Variants in ZCCHC2 observed in about 807,000 individuals in gnomAD.
The protein encoded by ZCCHC2 is zinc finger CCHC-type containing 2, also known as zinc finger CCHC domain-containing protein 2.
A neutral mutation model predicts 103.6 loss-of-function variants in ZCCHC2; 39 were observed. The observed-to-expected ratio is 0.38, with a 90% CI of 0.29 to 0.49. ZCCHC2 has a LOEUF of 0.49. Among genes scored for constraint, ZCCHC2 ranks in the 20% least tolerant of loss-of-function variants. The pLI is 0.96. For synonymous variants in ZCCHC2, 687 were observed against 608.9 expected (o/e 1.13, Z -1.89); for missense variants, 1,483 against 1,491.0 (o/e 0.99, Z 0.09).
downstream of ZCCHC2, among the ~76,000 whole-genome samples, chr18:62,579,335 A>G (rs139298632): frequency 2.1e-3 from 326 of 152,300 alleles, 6 homozygotes; most frequent in East Asian, 1.4e-3. Context: ...TTCATTGCTT[A>G]TCTTGGCTGT....
downstream of ZCCHC2, among the ~76,000 whole-genome samples, chr18:62,581,512 C>A (rs1227778698): frequency 1.4e-4 from 1 of 7,190 alleles, no homozygotes; most frequent in Non-Finnish European, 2.0e-4. Flanking sequence ...TGGACCCCTC[C>A]CGAGATGGTG....
At position 62,565,073 on chromosome 18, in the gene ZCCHC2, A is replaced by G. The variant is rs1317144720; in HGVS notation, c.1823A>G (p.His608Arg). 1 of 1,613,448 alleles carries G rather than the reference A, an allele frequency of 6.2e-7. No homozygotes were observed. Among genetic ancestry groups the G allele is most frequent in the Non-Finnish European group, 8.5e-7 (1 of 1,179,454 alleles). The change falls in exon 11 of 14, where the codon CAT (histidine) becomes CGT (arginine). Residue 608 changes from histidine (H) to arginine (R), a missense_variant. By Grantham distance (29) the His-to-Arg change is conservative (BLOSUM62 0). Coordinates refer to ENST00000269499, the MANE Select transcript of ZCCHC2 (RefSeq NM_017742.6). Reference protein sequence around the residue: ...INGIRLSTPQHAHGGTVKDVN... With the variant: ...INGIRLSTPQRAHGGTVKDVN... ...GGTATTAGACTCTCCACTCCTCAGC[A>G]TGCCCATGGTGGTACTGTGAAAGGT...
chr18:62,560,716 T>C, intron 8 of ZCCHC2, 72 bp downstream of exon 8: 2 of 1,225,520 alleles, frequency 1.6e-6, no homozygotes, highest in East Asian at 4.7e-5. Flanking sequence ...TAATTAAATT[T>C]CTGATGTATT....
At chr18:62,525,276 C>T (rs1041866571) in intron 1 of ZCCHC2, 4 of 152,120 alleles carry the variant, frequency 2.6e-5, no homozygotes, top group African/African-American at 7.2e-5. Flanking sequence ...TTTTTACAGC[C>T]ATGAAAGCAA....
chr18:62,539,646 G>A, intron 1 of ZCCHC2, 35 bp from the exon 2 acceptor site: 1 of 1,523,852 alleles, frequency 6.6e-7, no homozygotes, highest in Non-Finnish European at 8.9e-7. Context: ...TTAGTCCATG[G>A]TTTAAGTTAA....
intron 3 of ZCCHC2, among the ~76,000 whole-genome samples, chr18:62,542,795 G>C (rs973843784): frequency 1.3e-5 from 2 of 152,150 alleles, no homozygotes; most frequent in African/African-American, 4.8e-5. Flanking sequence ...AAAGAAGTAA[G>C]AGCCTTAGAT....
downstream of ZCCHC2, among the ~76,000 whole-genome samples, chr18:62,579,863 C>T (rs1042944178): frequency 2.0e-5 from 3 of 152,074 alleles, no homozygotes; most frequent in East Asian, 1.9e-4. Context: ...GCTGGGATTA[C>T]AGGCGTCTAC....
chr18:62,576,497 T>C lies in ZCCHC2; in HGVS notation c.3470-15T>C. On this transcript the variant is annotated splice_polypyrimidine_tract_variant and intron_variant, in intron 13 of 13. Coordinates refer to ENST00000269499, the MANE Select transcript of ZCCHC2 (RefSeq NM_017742.6). ...GCTTGTAAGCGGTGACTTAGTTCTG[T>C]CTTTCCCATTTTAGGCACTTACAGA... is the stretch of plus-strand genomic sequence containing the variant. 6.2e-7 allele frequency: 1 copy of C among 1,611,242 alleles called. No homozygotes were observed. The highest frequency in any genetic ancestry group is 8.5e-7 in the Non-Finnish European group (1 of 1,177,726).
At chr18:62,547,428 G>A (rs1260074895) in intron 4 of ZCCHC2, among the ~76,000 whole-genome samples, 2 of 151,672 alleles carry the variant, frequency 1.3e-5, no homozygotes, top group Admixed American at 6.6e-5. Flanking sequence ...TGTACTTCTA[G>A]CTTGCTGTAG....
chr18:62,529,946 G>C (rs188935505), intron 1 of ZCCHC2, among the ~76,000 whole-genome samples: 91 of 152,240 alleles, frequency 6.0e-4, no homozygotes, highest in African/African-American at 2.1e-3. Flanking sequence ...CAGTATAACA[G>C]CTATTTACAT....
At chr18:62,544,752 G>A (rs561025716) in intron 3 of ZCCHC2, 50 bp from the exon 4 acceptor site, 283 of 1,476,254 alleles carry the variant, frequency 1.9e-4, no homozygotes, top group Non-Finnish European at 1.2e-4. Context: ...TTTCTAGCCG[G>A]TTCCTGCCTA....
chr18:62,528,399 C>A (rs1322151338), intron 1 of ZCCHC2, among the ~76,000 whole-genome samples: 1 of 152,058 alleles, frequency 6.6e-6, no homozygotes, highest in African/African-American at 2.4e-5. Flanking sequence ...TCGAGACCAG[C>A]CTGGCCAGTA....
intron 3 of ZCCHC2, among the ~76,000 whole-genome samples, chr18:62,542,937 C>G: frequency 6.6e-6 from 1 of 152,244 alleles, no homozygotes; most frequent in Admixed American, 6.5e-5. Flanking sequence ...CTCTGTGACG[C>G]TTTTATTGCC....
intron 10 of ZCCHC2, 147 bp from the exon 11 acceptor site, chr18:62,564,855 C>G: frequency 1.4e-6 from 1 of 703,880 alleles, no homozygotes. Context: ...TCAGAACTTT[C>G]CACGGAAGGG....
At chr18:62,534,633 G>A (rs546420548) in intron 1 of ZCCHC2, among the ~76,000 whole-genome samples, 1 of 152,202 alleles carries the variant, frequency 6.6e-6, no homozygotes. Context: ...TATGTTTCTT[G>A]TTAGAAATGT....
At chr18:62,530,148 A>C (rs898723513) in intron 1 of ZCCHC2, among the ~76,000 whole-genome samples, 1 of 152,188 alleles carries the variant, frequency 6.6e-6, no homozygotes, top group Non-Finnish European at 1.5e-5. Context: ...CTATACATAC[A>C]TGTTGCCTTA....
chr18:62,554,345 A>C (rs1311513654), intron 5 of ZCCHC2, among the ~76,000 whole-genome samples: 2 of 152,234 alleles, frequency 1.3e-5, no homozygotes, highest in African/African-American at 4.8e-5. Flanking sequence ...TTTAGTCTCA[A>C]ATATGCTGTA....
chr18:62,545,449 C>G lies in ZCCHC2; in HGVS notation c.1200+576C>G, dbSNP rs551161437. On this transcript the variant is annotated intron_variant, in intron 4 of 13. Coordinates refer to ENST00000269499, the MANE Select transcript of ZCCHC2 (RefSeq NM_017742.6). The stretch of plus-strand genomic sequence containing the variant: ...GTTCCAGCTCCTCCCCACCTCACCC[C>G]CCATATGATAGAATCTCCAAACTAC... 3.6e-3 allele frequency among the ~76,000 whole-genome samples: 553 copies of G among 152,078 alleles called. 2 individuals are homozygous for G. Among genetic ancestry groups the G allele is most frequent in the Non-Finnish European group, 5.4e-3 (364 of 67,990 alleles).
At chr18:62,547,500 T>A (rs1915469389) in intron 4 of ZCCHC2, among the ~76,000 whole-genome samples, 1 of 151,958 alleles carries the variant, frequency 6.6e-6, no homozygotes, top group Non-Finnish European at 1.5e-5. Flanking sequence ...AATAGCAGCC[T>A]GTGTCCTTTG....
Sources: allele counts gnomAD v4.1 joint callset (sites outside exome capture counted in the v4.1 genomes callset), GRCh38; gene constraint gnomAD v4.1.1; transcripts MANE v1.5; gene names NCBI Gene and HGNC (gene_info 2026-07-23, HGNC 2026-07-21).